Variants in ZNF704 observed in about 807,000 individuals in gnomAD.
ZNF704 encodes zinc finger protein 704.
ZNF704 carries 10 observed loss-of-function variants against 44.7 expected under a neutral mutation model. The ratio of observed to expected loss-of-function variants is 0.22; its 90% CI spans 0.14 to 0.38. The LOEUF is 0.38. Ranked by LOEUF, ZNF704 falls within the 10% of genes least tolerant of loss-of-function variation. ZNF704 has a pLI of 1.00. For missense variants in ZNF704, 390 were observed against 545.5 expected, an observed-to-expected ratio of 0.71 and a Z score of 2.84; for synonymous variants, 211 against 207.6, an observed-to-expected ratio of 1.02 and a Z score of -0.14.
intron 2 of ZNF704, among the ~76,000 whole-genome samples, chr8:80,777,707 C>T (rs1170196526): frequency 2.0e-5 from 3 of 151,918 alleles, no homozygotes; most frequent in East Asian, 1.9e-4. Context: ...GGCAAAATCC[C>T]GTCTCTACTA....
chr8:80,800,456 T>C (rs952044570), intron 2 of ZNF704, among the ~76,000 whole-genome samples: 9 of 152,034 alleles, frequency 5.9e-5, no homozygotes, highest in African/African-American at 1.2e-4. Context: ...AGACTAACAG[T>C]GGACCTCTCA....
At chr8:80,683,792 G>A (rs1359231466) in intron 4 of ZNF704, among the ~76,000 whole-genome samples, 1 of 152,248 alleles carries the variant, frequency 6.6e-6, no homozygotes, top group Non-Finnish European at 1.5e-5. Flanking sequence ...TAGTAAGAGA[G>A]AATGCCTTGT....
At chr8:80,694,361 A>G (rs1001340117) in intron 2 of ZNF704, 1 of 152,184 alleles carries the variant, frequency 6.6e-6, no homozygotes, top group African/African-American at 2.4e-5. Flanking sequence ...CAACTTGTTT[A>G]AGCTTATTTC....
At chr8:80,875,312 C>A (rs576415642), upstream of ZNF704, among the ~76,000 whole-genome samples, 5 of 151,824 alleles carry the variant, frequency 3.3e-5, no homozygotes, top group African/African-American at 4.8e-5. Context: ...ATATATATTT[C>A]TTTATTTTTC....
chr8:80,668,265 G>A (rs755318284), intron 5 of ZNF704, among the ~76,000 whole-genome samples: 2 of 152,194 alleles, frequency 1.3e-5, no homozygotes, highest in African/African-American at 2.4e-5. Flanking sequence ...TCCCTGACTC[G>A]GAACATACCT....
At chr8:80,803,849 A>G (rs936460352) in intron 2 of ZNF704, among the ~76,000 whole-genome samples, 1 of 152,222 alleles carries the variant, frequency 6.6e-6, no homozygotes, top group African/African-American at 2.4e-5. Context: ...TAATTAAACT[A>G]AAGAGCTTCT....
intron 2 of ZNF704, among the ~76,000 whole-genome samples, chr8:80,725,326 TGTATAA>T (rs1806458757): frequency 6.6e-6 from 1 of 152,204 alleles, no homozygotes; most frequent in Admixed American, 6.5e-5. Context: ...ACAAAATTTT[TGTATAA>T]GTATATCCCA....
At chr8:80,880,166 C>T in the ZNF704 span, among the ~76,000 whole-genome samples, 1 of 152,228 alleles carries the variant, frequency 6.6e-6, no homozygotes, top group African/African-American at 2.4e-5. Flanking sequence ...GCTCTGGCCA[C>T]ACACTTGTCC....
At chr8:80,676,911 C>T (rs1356895825) in intron 4 of ZNF704, among the ~76,000 whole-genome samples, 1 of 152,328 alleles carries the variant, frequency 6.6e-6, no homozygotes, top group Non-Finnish European at 1.5e-5. Flanking sequence ...TCGCTTGCCT[C>T]CTGCTGTGTG....
Position 80,687,258 on chromosome 8 carries a change from G to C in ZNF704, c.526C>G (p.Leu176Val), listed in dbSNP as rs1321269060. Residue 176 changes from leucine (L) to valine (V), a missense_variant, in exon 4 of 9, where the codon CTC (leucine) becomes GTC (valine). Around this residue, in one of 3 missense-constraint regions of ZNF704, gnomAD observed 305 missense variants for 435.7 expected, o/e 0.70. Coordinates refer to ENST00000327835, the MANE Select transcript of ZNF704 (RefSeq NM_001033723.3). ...TTCCTGGGAATGGGCTCGTCGAAGA[G>C]CAGGTTGCTGGCCTCCGCCTCGTCG... ...GIDEAEASNL[L>V]FDEPIPRKRK... 2.5e-6 allele frequency: 4 copies of C among 1,612,826 alleles called. No individual in the cohort carries two copies. Among genetic ancestry groups the C allele is most frequent in the South Asian group, 2.2e-5 (2 of 91,042 alleles).
In ZNF704 at chr8:80,636,079, G is replaced by A. The variant is rs1817659462; in HGVS notation, c.*5287C>T. On this transcript the variant is annotated 3_prime_UTR_variant, in exon 9 of 9. Coordinates refer to ENST00000327835, the MANE Select transcript of ZNF704 (RefSeq NM_001033723.3). Reference sequence around the variant, plus strand: ...CACTGCATCTTGTAAAATATTTCCAGTTAACTTGAGAAGTAGAGTACTGAC... The same window carrying A: ...CACTGCATCTTGTAAAATATTTCCAATTAACTTGAGAAGTAGAGTACTGAC... 6.6e-6 allele frequency: 1 copy of A among 152,184 alleles called. No homozygotes were observed. The highest frequency in any genetic ancestry group is 2.4e-5 in the African/African-American group (1 of 41,444). 9.4% of individuals were successfully genotyped at this position (152,184 alleles called of 1,614,324 possible).
In ZNF704 at chr8:80,641,469, C is replaced by T. The variant is rs1209567886; in HGVS notation, c.1136G>A (p.Arg379Lys). The T allele has an allele frequency of 6.2e-7, 1 of 1,611,630 alleles. No homozygotes were observed. The highest frequency in any genetic ancestry group is 8.5e-7 in the Non-Finnish European group (1 of 1,178,474). Residue 379 changes from arginine to lysine, a missense_variant, in exon 9 of 9, where the codon AGG becomes AAG. Coordinates refer to ENST00000327835, the MANE Select transcript of ZNF704 (RefSeq NM_001033723.3). ...PRGTVSLRKP[R>K]GEGKKCRKVY... is the part of the protein sequence containing the mutation. ...CTTCCGACACTTTTTGCCCTCTCCC[C>T]TGGGCTTCCTGTAAGACAGACGAGG... is the stretch of plus-strand genomic sequence containing the variant.
chr8:80,789,771 T>TA (rs1196661933), intron 2 of ZNF704, among the ~76,000 whole-genome samples: 1 of 151,718 alleles, frequency 6.6e-6, no homozygotes, highest in Non-Finnish European at 1.5e-5. Flanking sequence ...AAAAAACCCC[T>TA]AAAAATAACA....
intron 2 of ZNF704, chr8:80,694,355 T>A (rs1263656050): frequency 6.6e-6 from 1 of 152,174 alleles, no homozygotes; most frequent in Non-Finnish European, 1.5e-5. Context: ...CGGAGTCAAC[T>A]TGTTTAAGCT....
intron 1 of ZNF704, among the ~76,000 whole-genome samples, chr8:80,856,933 C>T (rs1166093818): frequency 1.3e-5 from 2 of 152,146 alleles, no homozygotes; most frequent in Non-Finnish European, 2.9e-5. Context: ...ATCTTTTAAT[C>T]AATTTCTGGA....
At chr8:80,661,583 A>C (rs1818102775) in intron 6 of ZNF704, among the ~76,000 whole-genome samples, 1 of 152,168 alleles carries the variant, frequency 6.6e-6, no homozygotes, top group South Asian at 2.1e-4. Context: ...AAATGTGGTA[A>C]GAACACAATG....
At chr8:80,796,992 G>A (rs1180826882) in intron 2 of ZNF704, among the ~76,000 whole-genome samples, 3 of 151,404 alleles carry the variant, frequency 2.0e-5, no homozygotes, top group Non-Finnish European at 2.9e-5. Flanking sequence ...AGGGAGGGAG[G>A]AAGGAAGGAA....
intron 2 of ZNF704, among the ~76,000 whole-genome samples, chr8:80,777,588 T>C (rs1387729236): frequency 6.6e-6 from 1 of 152,064 alleles, no homozygotes; most frequent in African/African-American, 2.4e-5. Context: ...CATATGAAAG[T>C]AACCCATGGG....
intron 5 of ZNF704, among the ~76,000 whole-genome samples, chr8:80,668,165 G>T (rs1818224647): frequency 6.6e-6 from 1 of 152,236 alleles, no homozygotes; most frequent in Admixed American, 6.5e-5. Flanking sequence ...AGTTTGTAGA[G>T]AAGTGGTGCT....
Sources: gnomAD v4.1 joint callset for allele counts (sites outside exome capture counted in the v4.1 genomes callset) on GRCh38, gnomAD v4.1.1 for gene constraint, gnomAD v4.1.1 regional missense constraint, MANE v1.5 for transcripts, NCBI Gene and HGNC (gene_info 2026-07-23, HGNC 2026-07-21) for gene names.